The following ANXA5 variants were observed in gnomAD, a reference collection of about 807,000 sequenced individuals.
ANXA5 encodes the protein CBP-I.
ANXA5 carries 40 observed loss-of-function variants against 48.1 expected under a neutral mutation model. The observed-to-expected ratio is 0.83, with a 90% CI of 0.65 to 1.08. ANXA5 has a LOEUF of 1.08. Ranked by LOEUF, ANXA5 falls within the 50% of genes least tolerant of loss-of-function variation. ANXA5 has a pLI of 0.00. For synonymous variants in ANXA5, 113 were observed against 129.1 expected (o/e 0.88, Z 0.85); for missense variants, 357 against 376.8 (o/e 0.95, Z 0.44).
intron 8 of ANXA5, among the ~76,000 whole-genome samples, chr4:121,676,404 A>C (rs1208515955): frequency 6.6e-6 from 1 of 152,194 alleles, no homozygotes; most frequent in East Asian, 1.9e-4. Context: ...AGTGAAAGAG[A>C]AAGAGCTTTG....
chr4:121,668,382 AC>A lies in ANXA5; in HGVS notation c.*85del. ...GTATGAATAAGGCAATGTGTTAAGC[AC>A]TGGCATACAAATGCAGCTAAAGGTG... On this transcript the variant is annotated 3_prime_UTR_variant, in exon 13 of 13. Transcript: ENST00000296511. 7.8e-6 allele frequency: 9 copies of A among 1,153,798 alleles called. No homozygotes were observed. The highest frequency in any genetic ancestry group is 1.2e-5 in the Non-Finnish European group (9 of 762,580). The allele number at this position is 1,153,798 out of a possible 1,614,324, so 71.5% of individuals were successfully genotyped here.
intron 8 of ANXA5, 66 bp from the exon 9 acceptor site, chr4:121,672,692 C>T (rs1724632788): frequency 8.4e-7 from 1 of 1,195,038 alleles, no homozygotes; most frequent in Non-Finnish European, 1.2e-6. Context: ...CTTAAACACA[C>T]TTGTTTTTTA....
chr4:121,688,862 G>A (rs930197160), intron 2 of ANXA5, among the ~76,000 whole-genome samples: 1 of 152,126 alleles, frequency 6.6e-6, no homozygotes, highest in African/African-American at 2.4e-5. Flanking sequence ...TGGCCAACTA[G>A]GAAAAGGGGA....
intron 7 of ANXA5, 183 bp downstream of exon 7, chr4:121,678,232 A>T: frequency 1.6e-6 from 1 of 620,472 alleles, no homozygotes; most frequent in Non-Finnish European, 2.8e-6. Context: ...AGCTGTTAAG[A>T]ATTTAGACCA....
Position 121,684,777 on chromosome 4 carries a change from A to T in ANXA5, c.95-6T>A. On this transcript the variant is annotated splice_region_variant and splice_polypyrimidine_tract_variant and intron_variant, in intron 3 of 12. Coordinates refer to ENST00000296511, the MANE Select transcript of ANXA5 (RefSeq NM_001154.4). ...GATGCTCTCCTCATCTGTGCCTGCAATTTATGGTTAACAATTACATTTTGG... is the reference window on the plus strand; with the variant it reads ...GATGCTCTCCTCATCTGTGCCTGCATTTTATGGTTAACAATTACATTTTGG... 1 of 1,612,782 alleles carries T rather than the reference A, an allele frequency of 6.2e-7. No homozygotes were observed. The highest frequency in any genetic ancestry group is 8.5e-7 in the Non-Finnish European group (1 of 1,179,140).
intron 9 of ANXA5, 92 bp downstream of exon 9, chr4:121,672,441 T>C: frequency 1.2e-6 from 1 of 812,290 alleles, no homozygotes; most frequent in East Asian, 2.5e-5. Flanking sequence ...ATTCTCTAAG[T>C]CCCTGCTATG....
intron 2 of ANXA5, among the ~76,000 whole-genome samples, chr4:121,694,105 G>C (rs57290831): frequency 2.2e-4 from 10 of 45,280 alleles, no homozygotes; most frequent in East Asian, 1.0e-3. Context: ...TTGTGGGCGG[G>C]GGGGAGGGGG....
intron 2 of ANXA5, among the ~76,000 whole-genome samples, chr4:121,692,750 C>T (rs1725007619): frequency 1.3e-5 from 2 of 152,152 alleles, no homozygotes; most frequent in African/African-American, 4.8e-5. Context: ...AATAGTAATA[C>T]CTATTTCCAA....
At position 121,668,459 on chromosome 4, in the gene ANXA5, C is replaced by G. The variant is rs774502853; in HGVS notation, c.*9G>C. ...AGGCACACAGCAGGGAGCTCTTCCC[C>G]GTGACACGTTAGTCATCTTCTCCAC... On this transcript the variant is annotated 3_prime_UTR_variant, in exon 13 of 13. Coordinates refer to ENST00000296511, the MANE Select transcript of ANXA5 (RefSeq NM_001154.4). 6.2e-7 allele frequency: 1 copy of G among 1,613,224 alleles called. No homozygotes were observed. Among genetic ancestry groups the G allele is most frequent in the Non-Finnish European group, 8.5e-7 (1 of 1,179,430 alleles).
intron 8 of ANXA5, among the ~76,000 whole-genome samples, chr4:121,674,947 C>G (rs1724673747): frequency 6.6e-6 from 1 of 152,180 alleles, no homozygotes; most frequent in South Asian, 2.1e-4. Context: ...AGATGAACTA[C>G]TTAATCTCCT....
intron 2 of ANXA5, among the ~76,000 whole-genome samples, chr4:121,689,347 C>G (rs1490779827): frequency 6.6e-6 from 1 of 152,128 alleles, no homozygotes; most frequent in African/African-American, 2.4e-5. Context: ...TCTCCCCCGT[C>G]CAAAGTATTA....
chr4:121,671,849 G>A (rs964388314), intron 9 of ANXA5, among the ~76,000 whole-genome samples: 17 of 152,042 alleles, frequency 1.1e-4, no homozygotes, highest in African/African-American at 2.9e-4. Context: ...GCCCCCTTAC[G>A]AGTTATAGCC....
At chr4:121,696,696 G>A in intron 1 of ANXA5, 72 bp from the exon 2 acceptor site, 3 of 1,092,944 alleles carry the variant, frequency 2.7e-6, no homozygotes, top group Non-Finnish European at 3.6e-6. Flanking sequence ...GCAGGTCCGC[G>A]GGGACCCGGC....
intron 8 of ANXA5, among the ~76,000 whole-genome samples, chr4:121,677,413 C>T (rs1258756983): frequency 6.6e-6 from 1 of 152,158 alleles, no homozygotes; most frequent in Non-Finnish European, 1.5e-5. Flanking sequence ...TAAAAAGCTG[C>T]TGACAGAAGA....
chr4:121,676,925 C>A (rs534212941), intron 8 of ANXA5, among the ~76,000 whole-genome samples: 3 of 152,280 alleles, frequency 2.0e-5, no homozygotes, highest in Admixed American at 1.3e-4. Flanking sequence ...GGGCTGGACA[C>A]AATTGGCTTG....
chr4:121,672,727 T>C (rs1003867692), intron 8 of ANXA5, 101 bp from the exon 9 acceptor site: 6 of 790,516 alleles, frequency 7.6e-6, no homozygotes, highest in African/African-American at 3.4e-5. Flanking sequence ...ACTCACTTGA[T>C]TCATCATCTT....
At position 121,681,674 on chromosome 4, in the gene ANXA5, C is replaced by G; in HGVS notation, c.391G>C (p.Glu131Gln). The change falls in exon 6 of 13, where the codon GAA becomes CAA. Residue 131 changes from glutamate to glutamine, a missense_variant. Physicochemically the swap from Glu to Gln is conservative, Grantham distance 29. Transcript: ENST00000296511. The part of the protein sequence containing the change: ...ELRAIKQVYE[E>Q]EYGSSLEDDV... ...AATATAACTCACAAACATTTACCTTCTTCATAAACTTGTTTGATGGCTCTC... is the reference window on the plus strand; with the variant it reads ...AATATAACTCACAAACATTTACCTTGTTCATAAACTTGTTTGATGGCTCTC... 6.2e-7 allele frequency: 1 copy of G among 1,606,096 alleles called. No individual in the cohort carries two copies. The highest frequency in any genetic ancestry group is 8.5e-7 in the Non-Finnish European group (1 of 1,173,886).
intron 8 of ANXA5, among the ~76,000 whole-genome samples, chr4:121,677,064 A>G (rs1185235607): frequency 6.6e-6 from 1 of 152,112 alleles, no homozygotes; most frequent in East Asian, 1.9e-4. Context: ...AAATCAACCT[A>G]CCCAAAAGAA....
Position 121,694,021 on chromosome 4 carries a change from T to C in ANXA5, c.9+2560A>G, listed in dbSNP as rs528201184. The stretch of plus-strand genomic sequence containing the variant: ...AACCTTGTAACTTAAACATATACCA[T>C]AGAGATAATTCTGATGTTCATGAGA... On this transcript the variant is annotated intron_variant, in intron 2 of 12. Coordinates refer to ENST00000296511, the MANE Select transcript of ANXA5 (RefSeq NM_001154.4). Among the ~76,000 whole-genome samples, 7 of 141,934 alleles carry C rather than the reference T, an allele frequency of 4.9e-5. No homozygotes were observed. In the East Asian group the frequency reaches 1.3e-3, roughly 25 times the overall value. The allele number at this position is 141,934 out of a possible 152,430, so 93.1% of individuals were successfully genotyped here.
Sources: gnomAD v4.1 joint callset for allele counts (sites outside exome capture counted in the v4.1 genomes callset) on GRCh38, gnomAD v4.1.1 for gene constraint, MANE v1.5 for transcripts, NCBI Gene and HGNC (gene_info 2026-07-23, HGNC 2026-07-21) for gene names.